Variants in SCN1A observed in about 807,000 individuals in gnomAD.
SCN1A encodes sodium channel protein type 1 subunit alpha.
A neutral mutation model predicts 193.7 loss-of-function variants in SCN1A; 13 were observed. That is an observed-to-expected ratio of 0.07 (90% CI 0.04 to 0.11). The LOEUF is 0.11. Ranked by LOEUF, SCN1A falls within the 10% of genes least tolerant of loss-of-function variation. The pLI is 1.00. For synonymous variants in SCN1A, 781 were observed against 843.6 expected, an observed-to-expected ratio of 0.93 and a Z score of 1.29; for missense variants, 1,432 against 2,451.1, an observed-to-expected ratio of 0.58 and a Z score of 8.78.
At chr2:165,998,864 C>T (rs960938275) in intron 25 of SCN1A, among the ~76,000 whole-genome samples, 2 of 151,352 alleles carry the variant, frequency 1.3e-5, no homozygotes, top group Non-Finnish European at 3.0e-5. Flanking sequence ...TAAAACAACT[C>T]TGGAGGTTAT....
intron 13 of SCN1A, 150 bp from the exon 14 acceptor site, chr2:166,044,199 A>T: frequency 4.1e-6 from 4 of 974,108 alleles, no homozygotes; most frequent in Non-Finnish European, 6.0e-6. Flanking sequence ...TTTTATGTGC[A>T]TTCACATTAA....
At chr2:166,121,118 G>GAAAAAAA (rs11299049) in intron 2 of SCN1A, among the ~76,000 whole-genome samples, 1 of 96,592 alleles carries the variant, frequency 1.0e-5, no homozygotes, top group Non-Finnish European at 2.3e-5. Context: ...GGAAAAAAAA[G>GAAAAAAA]AAAAAAAAAA....
Position 166,039,601 on chromosome 2 carries a change from G to T in SCN1A, c.2416-5C>A. ...TGTAAAGATCCCAGTGAAAACCTAA[G>T]ATCAAAACAAAATTAATCTAATTCC... On this transcript the variant is annotated splice_polypyrimidine_tract_variant and splice_region_variant and intron_variant, in intron 16 of 28. Coordinates refer to ENST00000674923, the MANE Select transcript of SCN1A (RefSeq NM_001165963.4). 7 of 1,612,296 alleles carry T rather than the reference G, an allele frequency of 4.3e-6. No individual in the cohort carries two copies. Among genetic ancestry groups the T allele is most frequent in the Non-Finnish European group, 5.9e-6 (7 of 1,178,610 alleles).
chr2:166,051,031 A>G (rs1407045471), intron 9 of SCN1A, among the ~76,000 whole-genome samples: 1 of 151,974 alleles, frequency 6.6e-6, no homozygotes, highest in Admixed American at 6.6e-5. Context: ...TTACATTTGC[A>G]TAGTATTGTA....
chr2:166,015,683 G>A lies in SCN1A; in HGVS notation c.3474C>T (p.Asp1158=). The change falls in exon 20 of 29, where the codon GAC becomes GAT. Residue 1158 remains aspartate, a synonymous_variant. Coordinates refer to ENST00000674923, the MANE Select transcript of SCN1A (RefSeq NM_001165963.4). ...SSSSSEGSTV[D]IGAPVEEQPV... The stretch of plus-strand genomic sequence containing the variant: ...GCTGTTCTTCTACAGGTGCGCCGAT[G>A]TCCACAGTGCTACCTTCTGATGAGC... The A allele has an allele frequency of 1.9e-6, 3 of 1,612,916 alleles. No homozygotes were observed. Among genetic ancestry groups the A allele is most frequent in the Non-Finnish European group, 2.5e-6 (3 of 1,179,054 alleles).
Position 166,041,448 on chromosome 2 carries a change from T to C in SCN1A, c.2198A>G (p.Lys733Arg), listed in dbSNP as rs781306515. 2 of 1,611,072 alleles carry C rather than the reference T, an allele frequency of 1.2e-6. No individual in the cohort carries two copies. Among genetic ancestry groups the C allele is most frequent in the Non-Finnish European group, 1.7e-6 (2 of 1,178,588 alleles). The change falls in exon 16 of 29, where the codon AAA becomes AGA. Residue 733 changes from lysine to arginine, a missense_variant. Lys to Arg is a conservative substitution (Grantham distance 26, BLOSUM62 2). Transcript: ENST00000674923. ...TVEELEESRQKCPPCWYKFSN... is the reference protein window; with the variant it reads ...TVEELEESRQRCPPCWYKFSN... ...AAATTTATACCAACAGGGTGGGCAT[T>C]TCTGCCTGGATTCTTCAAGTTCTAG...
chr2:166,035,054 G>A (rs966447339), intron 19 of SCN1A, among the ~76,000 whole-genome samples: 2 of 152,158 alleles, frequency 1.3e-5, no homozygotes, highest in Admixed American at 1.3e-4. Flanking sequence ...ATAGGGCAGT[G>A]TAATTTTAGT....
intron 2 of SCN1A, among the ~76,000 whole-genome samples, chr2:166,082,467 C>T (rs189761655): frequency 5.9e-4 from 85 of 144,128 alleles, no homozygotes; most frequent in African/African-American, 2.1e-3. Flanking sequence ...TAGGTCTCTC[C>T]AAGGAATTTA....
chr2:166,100,335 T>C (rs1335392962), intron 2 of SCN1A, among the ~76,000 whole-genome samples: 6 of 136,816 alleles, frequency 4.4e-5, no homozygotes, highest in African/African-American at 1.6e-4. Context: ...ACTGGATCCC[T>C]TCCTTACACC....
chr2:166,000,332 A>G (rs1442943536), intron 24 of SCN1A, among the ~76,000 whole-genome samples: 2 of 151,760 alleles, frequency 1.3e-5, no homozygotes, highest in African/African-American at 2.4e-5. Context: ...AGAATTTTGC[A>G]TCAAAACATT....
At chr2:166,130,030 A>C (rs1691594914), upstream of SCN1A, among the ~76,000 whole-genome samples, 1 of 152,210 alleles carries the variant, frequency 6.6e-6, no homozygotes, top group Admixed American at 6.5e-5. Context: ...AATAGCAGCC[A>C]GCCACACAGA....
intron 2 of SCN1A, among the ~76,000 whole-genome samples, chr2:166,118,393 C>T (rs1047452436): frequency 2.4e-5 from 3 of 122,688 alleles, no homozygotes; most frequent in African/African-American, 6.2e-5. Flanking sequence ...CTTGAGTATG[C>T]TCAAACTTCC....
Position 166,042,419 on chromosome 2 carries a change from T to G in SCN1A, c.2049A>C (p.Thr683=). Residue 683 remains threonine, a synonymous_variant, in exon 15 of 29, where the codon ACA becomes ACC. Coordinates refer to ENST00000674923, the MANE Select transcript of SCN1A (RefSeq NM_001165963.4). ...TCTTTCTCATTTCAGTTTCAGTGGT[T>G]GTTCCCTGTAAAAAAAAATGCTAAT... The part of the protein sequence containing the change: ...IDKPATDDNG[T]TTETEMRKRR... 1 of 1,613,830 alleles carries G rather than the reference T, an allele frequency of 6.2e-7. No individual in the cohort carries two copies. The highest frequency in any genetic ancestry group is 2.2e-5 in the East Asian group (1 of 44,818).
intron 14 of SCN1A, 46 bp downstream of exon 14, chr2:166,043,623 A>T (rs769192520): frequency 1.3e-6 from 2 of 1,558,912 alleles, no homozygotes; most frequent in African/African-American, 2.7e-5. Context: ...TGGCTGGTGC[A>T]GCAATAGTGA....
chr2:166,044,106 GATTTC>G, intron 13 of SCN1A, 57 bp from the exon 14 acceptor site: 1 of 1,584,634 alleles, frequency 6.3e-7, no homozygotes, highest in Non-Finnish European at 8.6e-7. Context: ...ATTTGAATGT[GATTTC>G]ATTTTGCAAG....
Position 166,104,601 on chromosome 2 carries a change from G to C in SCN1A, c.-142+22323C>G, listed in dbSNP as rs191243557. ...CTACAAAAAATACAAAAATTAACCA[G>C]GCATGGTGGTGCGTTTGTGTAGTTC... On this transcript the variant is annotated intron_variant, in intron 2 of 28. Transcript: ENST00000674923. Among the ~76,000 whole-genome samples, 192 of 152,228 alleles carry C rather than the reference G, an allele frequency of 1.3e-3. 3 individuals are homozygous for C. The highest frequency in any genetic ancestry group is 1.5e-5 in the Non-Finnish European group (1 of 68,018).
At chr2:166,085,687 T>C (rs1271054369) in intron 2 of SCN1A, among the ~76,000 whole-genome samples, 2 of 152,082 alleles carry the variant, frequency 1.3e-5, no homozygotes, top group Non-Finnish European at 2.9e-5. Flanking sequence ...GTATCAGGTG[T>C]TTGACACTTT....
intron 19 of SCN1A, among the ~76,000 whole-genome samples, chr2:166,020,416 A>G (rs1031750685): frequency 4.6e-5 from 7 of 152,230 alleles, no homozygotes; most frequent in African/African-American, 1.7e-4. Flanking sequence ...TCAGTAAAAT[A>G]CAATAACTGA....
chr2:166,041,398 A>C lies in SCN1A; in HGVS notation c.2248T>G (p.Cys750Gly), dbSNP rs1412626408. 3 of 1,613,816 alleles carry C rather than the reference A, an allele frequency of 1.9e-6. No individual in the cohort carries two copies. The African/African-American group carries it at 4.0e-5, about 22-fold the overall frequency. ...KFSNIFLIWD[C>G]SPYWLKVKHV... Reference sequence around the variant, plus strand: ...TTCACTTTTAACCAATATGGAGAACAGTCCCAGATTAAGAATATGTTGGAA... The same window carrying C: ...TTCACTTTTAACCAATATGGAGAACCGTCCCAGATTAAGAATATGTTGGAA... Residue 750 changes from cysteine to glycine, a missense_variant, in exon 16 of 29, where the codon TGT (cysteine) becomes GGT (glycine). By Grantham distance (159) the Cys-to-Gly change is radical. This residue lies in a region of SCN1A where 316 missense variants were observed against 362.1 expected (regional missense o/e 0.87). Coordinates refer to ENST00000674923, the MANE Select transcript of SCN1A (RefSeq NM_001165963.4).
Sources: gnomAD v4.1 joint callset for allele counts (sites outside exome capture counted in the v4.1 genomes callset) on GRCh38, gnomAD v4.1.1 for gene constraint, gnomAD v4.1.1 regional missense constraint, MANE v1.5 for transcripts, NCBI Gene and HGNC (gene_info 2026-07-23, HGNC 2026-07-21) for gene names.